SERPINB7: variants seen among roughly 807,000 people sequenced by gnomAD.
The protein encoded by SERPINB7 is serpin family B member 7, also known as serpin B7.
In SERPINB7, 31 loss-of-function variants were observed where a neutral mutation model predicts 37.4. The observed-to-expected ratio is 0.83, with a 90% CI of 0.62 to 1.12. The LOEUF (loss-of-function observed/expected upper bound fraction) is 1.12, where lower values mean the gene tolerates loss of function less well. SERPINB7 is among the 50% of genes most tolerant of loss of function. The pLI is 0.00. For synonymous variants in SERPINB7, 163 were observed against 166.1 expected, an observed-to-expected ratio of 0.98 and a Z score of 0.14; for missense variants, 521 against 455.3, an observed-to-expected ratio of 1.14 and a Z score of -1.31.
intron 4 of SERPINB7, among the ~76,000 whole-genome samples, chr18:63,795,127 A>G (rs1190947574): frequency 1.3e-5 from 2 of 152,256 alleles, no homozygotes; most frequent in Non-Finnish European, 2.9e-5. Context: ...ACTGGGAATA[A>G]AATAATAAGC....
At chr18:63,803,152 A>G (rs1022304109) in intron 7 of SERPINB7, among the ~76,000 whole-genome samples, 5 of 152,180 alleles carry the variant, frequency 3.3e-5, no homozygotes, top group Non-Finnish European at 7.4e-5. Context: ...GAATCTGACT[A>G]TTATAAACCT....
chr18:63,759,199 T>C (rs1439070177), intron 1 of SERPINB7, among the ~76,000 whole-genome samples: 1 of 152,152 alleles, frequency 6.6e-6, no homozygotes, highest in Non-Finnish European at 1.5e-5. Flanking sequence ...AGCTGGTGTT[T>C]AACTATTAAA....
At chr18:63,798,511 A>G (rs2049511671) in intron 5 of SERPINB7, 93 bp from the exon 6 acceptor site, 1 of 963,312 alleles carries the variant, frequency 1.0e-6, no homozygotes, top group African/African-American at 1.7e-5. Context: ...TTATGTGTTA[A>G]GAAAAAAACT....
In SERPINB7 at chr18:63,804,723, G is replaced by GGTGTT; in HGVS notation, c.*89_*93dup. The GGTGTT allele has an allele frequency of 3.7e-6, 5 of 1,359,006 alleles. No homozygotes were observed. The highest frequency in any genetic ancestry group is 5.0e-6 in the Non-Finnish European group (5 of 1,001,278). The allele number at this position is 1,359,006 out of a possible 1,614,324, so 84.2% of individuals were successfully genotyped here. ...GATTTGAGTTTAATTGGAAAAATGTGGTGTTTCCTTTGAGTTTATTTCTTC... is the reference window on the plus strand; with the variant it reads ...GATTTGAGTTTAATTGGAAAAATGTGGTGTTGTGTTTCCTTTGAGTTTATTTCTTC... On this transcript the variant is annotated 3_prime_UTR_variant, in exon 8 of 8. Coordinates refer to ENST00000398019, the MANE Select transcript of SERPINB7 (RefSeq NM_003784.4).
rs1568209936 is a variant in SERPINB7 at position 63,786,990 on chromosome 18, CAAGTTTGTTTATACATGAGATGGGA to C, written c.168+4451_168+4475del. On this transcript the variant is annotated intron_variant, in intron 2 of 7. Coordinates refer to ENST00000398019, the MANE Select transcript of SERPINB7 (RefSeq NM_003784.4). The stretch of plus-strand genomic sequence containing the variant: ...CATTTGGGATTTTTTTAGATTTCAG[CAAGTTTGTTTATACATGAGATGGGA>C]TAAGACCCAGGTATAAACATGAAAT... Among the ~76,000 whole-genome samples, 5 of 151,946 alleles carry C rather than the reference CAAGTTTGTTTATACATGAGATGGGA, an allele frequency of 3.3e-5. No homozygotes were observed. In the East Asian group the frequency reaches 9.7e-4, roughly 29 times the overall value.
rs1348457498 is a variant in SERPINB7 at position 63,805,239 on chromosome 18, A to G, written c.*604A>G. Reference sequence around the variant, plus strand: ...ATTTTGGTCTTTCTTTGATAAGACAATATGTACATAGTTTTTTCAAATATT... The same window carrying G: ...ATTTTGGTCTTTCTTTGATAAGACAGTATGTACATAGTTTTTTCAAATATT... On this transcript the variant is annotated 3_prime_UTR_variant, in exon 8 of 8. Coordinates refer to ENST00000398019, the MANE Select transcript of SERPINB7 (RefSeq NM_003784.4). 6.6e-6 allele frequency: 1 copy of G among 152,468 alleles called. No homozygotes were observed. Among genetic ancestry groups the G allele is most frequent in the African/African-American group, 2.4e-5 (1 of 41,448 alleles). 9.4% of individuals were successfully genotyped at this position (152,468 alleles called of 1,614,324 possible).
chr18:63,800,788 C>T, intron 6 of SERPINB7, 78 bp from the exon 7 acceptor site: 2 of 1,509,456 alleles, frequency 1.3e-6, no homozygotes, highest in East Asian at 2.3e-5. Flanking sequence ...TGACCAAGTA[C>T]AATATTCTTA....
rs768854388 is a variant in SERPINB7, at chr18:63,782,581, T to G, written c.168+41T>G. The G allele has an allele frequency of 1.9e-6, 3 of 1,538,592 alleles. No homozygotes were observed. In the South Asian group the frequency reaches 3.8e-5, roughly 19 times the overall value. ...TGCAGTTAATCACTGGGACAAATTG[T>G]TTTTCCCACGAGAACATTTCGTTGC... On this transcript the variant is annotated intron_variant, in intron 2 of 7. Transcript: ENST00000398019.
At chr18:63,759,970 A>C (rs890419144) in intron 1 of SERPINB7, among the ~76,000 whole-genome samples, 2 of 152,196 alleles carry the variant, frequency 1.3e-5, no homozygotes, top group African/African-American at 4.8e-5. Context: ...CTAATACAGT[A>C]AATTGGTACC....
chr18:63,758,997 G>A (rs1394564230), intron 1 of SERPINB7, among the ~76,000 whole-genome samples: 1 of 152,206 alleles, frequency 6.6e-6, no homozygotes, highest in Non-Finnish European at 1.5e-5. Context: ...ACTTCTTGGT[G>A]AGTGGCTGTC....
At chr18:63,762,494 G>A (rs1250153319) in intron 1 of SERPINB7, among the ~76,000 whole-genome samples, 1 of 152,116 alleles carries the variant, frequency 6.6e-6, no homozygotes, top group Non-Finnish European at 1.5e-5. Context: ...AAGACACTGA[G>A]GCCTCCTGGA....
At chr18:63,795,051 T>C (rs979872493) in intron 4 of SERPINB7, among the ~76,000 whole-genome samples, 1 of 152,198 alleles carries the variant, frequency 6.6e-6, no homozygotes, top group African/African-American at 2.4e-5. Context: ...TCATTATGAC[T>C]TTTTTTGTAT....
At chr18:63,782,670 A>C in intron 2 of SERPINB7, 130 bp downstream of exon 2, 28 of 822,458 alleles carry the variant, frequency 3.4e-5, no homozygotes, top group Non-Finnish European at 5.2e-5. Flanking sequence ...ACACATCTCC[A>C]CGAGGCCCTC....
chr18:63,780,992 C>G (rs969516420), intron 1 of SERPINB7, among the ~76,000 whole-genome samples: 5 of 152,112 alleles, frequency 3.3e-5, no homozygotes, highest in Non-Finnish European at 7.4e-5. Flanking sequence ...ATGCATTGTA[C>G]TAGAAAAGTT....
intron 6 of SERPINB7, 151 bp downstream of exon 6, chr18:63,798,897 A>T: frequency 1.3e-6 from 1 of 770,728 alleles, no homozygotes; most frequent in East Asian, 2.9e-5. Context: ...GTTGCTTTAT[A>T]AAGCAAACTT....
chr18:63,775,378 C>T (rs2049237281), upstream of SERPINB7: 1 of 152,200 alleles, frequency 6.6e-6, no homozygotes, highest in South Asian at 2.1e-4. Flanking sequence ...GTGCTGTGCT[C>T]TGAGTCATAG....
intron 4 of SERPINB7, among the ~76,000 whole-genome samples, chr18:63,793,860 C>T (rs922658472): frequency 2.0e-5 from 3 of 152,026 alleles, no homozygotes; most frequent in Admixed American, 6.6e-5. Flanking sequence ...ATAGACAAGT[C>T]TTAGAAGGAG....
chr18:63,793,281 AG>A lies in SERPINB7; in HGVS notation c.336+5del. On this transcript the variant is annotated splice_donor_5th_base_variant and intron_variant, in intron 4 of 7. Coordinates refer to ENST00000398019, the MANE Select transcript of SERPINB7 (RefSeq NM_003784.4). ...AAAAGTGTATGGCTTTCATAAGGTA[AG>A]TGAAACTGCCTTTGTTAGAAGGACC... The A allele has an allele frequency of 1.4e-6, 2 of 1,468,110 alleles. No homozygotes were observed. Among genetic ancestry groups the A allele is most frequent in the African/African-American group, 2.8e-5 (2 of 71,636 alleles). 90.9% of individuals were successfully genotyped at this position (1,468,110 alleles called of 1,614,324 possible).
chr18:63,796,837 G>T (rs2049493918), intron 5 of SERPINB7, among the ~76,000 whole-genome samples: 1 of 152,004 alleles, frequency 6.6e-6, no homozygotes, highest in African/African-American at 2.4e-5. Context: ...TAAAGATAGG[G>T]CTGATTTTCA....
Sources: gnomAD v4.1 joint callset for allele counts (sites outside exome capture counted in the v4.1 genomes callset) on GRCh38, gnomAD v4.1.1 for gene constraint, MANE v1.5 for transcripts, NCBI Gene and HGNC (gene_info 2026-07-23, HGNC 2026-07-21) for gene names.